Variants in KLC2 observed in about 807,000 individuals in gnomAD.
KLC2 encodes the protein KLC 2.
Under a neutral mutation model 75.1 loss-of-function variants are expected in KLC2, and 35 were observed. That is an observed-to-expected ratio of 0.47 (90% CI 0.36 to 0.62). The LOEUF is 0.62. KLC2 is among the 20% of genes least tolerant of loss of function. KLC2 has a pLI of 0.00. For synonymous variants in KLC2, 314 were observed against 336.7 expected, an observed-to-expected ratio of 0.93 and a Z score of 0.74; for missense variants, 611 against 833.2, an observed-to-expected ratio of 0.73 and a Z score of 3.28.
intron 2 of KLC2, among the ~76,000 whole-genome samples, chr11:66,260,073 C>T (rs537569688): frequency 8.9e-4 from 135 of 152,148 alleles, no homozygotes; most frequent in Non-Finnish European, 1.8e-3. Flanking sequence ...CTGCCTGGCA[C>T]GTGAACCCTG....
chr11:66,246,959 C>T, the KLC2 span, among the ~76,000 whole-genome samples: 3 of 152,246 alleles, frequency 2.0e-5, no homozygotes, highest in East Asian at 5.8e-4. Flanking sequence ...GGACTCGGGG[C>T]TCCAGCCTCT....
chr11:66,266,313 C>A, intron 14 of KLC2, 96 bp downstream of exon 14: 1 of 1,493,858 alleles, frequency 6.7e-7, no homozygotes, highest in South Asian at 1.3e-5. Flanking sequence ...GGCAACCTCC[C>A]CATCCCTCTC....
rs546772249 is a variant in KLC2 at position 66,267,718 on chromosome 11, C to G, written c.*762C>G. On this transcript the variant is annotated 3_prime_UTR_variant, in exon 16 of 16. Coordinates refer to ENST00000394067, the MANE Select transcript of KLC2 (RefSeq NM_001318734.2). ...GGCACCGCCCACCGAGCCATCCTGC[C>G]TCGCCTCCCCCCACGCCTGCAGCTT... 3.9e-6 allele frequency: 2 copies of G among 511,648 alleles called. No individual in the cohort carries two copies. Among genetic ancestry groups the G allele is most frequent in the South Asian group, 3.0e-5 (1 of 33,744 alleles). The allele number at this position is 511,648 out of a possible 1,614,324, so 31.7% of individuals were successfully genotyped here. A position where few individuals can be genotyped will look rare whatever the true frequency, so the allele number is the denominator to read the frequency against.
the KLC2 span, among the ~76,000 whole-genome samples, chr11:66,245,281 G>A: frequency 6.6e-6 from 1 of 152,204 alleles, no homozygotes; most frequent in Non-Finnish European, 1.5e-5. Flanking sequence ...CCTTCCCCAT[G>A]AAGAAGTGCC....
At chr11:66,266,554 G>C (rs1282362015) in intron 15 of KLC2, 64 bp downstream of exon 15, 2 of 1,482,666 alleles carry the variant, frequency 1.3e-6, no homozygotes, top group African/African-American at 1.4e-5. Context: ...GTGCTGCCAA[G>C]CTTCCCTCCA....
At chr11:66,255,612 G>A (rs1335718278), upstream of KLC2, among the ~76,000 whole-genome samples, 2 of 152,152 alleles carry the variant, frequency 1.3e-5, no homozygotes, top group Non-Finnish European at 2.9e-5. Flanking sequence ...AAATGGACAA[G>A]GATAAACACA....
upstream of KLC2, among the ~76,000 whole-genome samples, chr11:66,254,362 A>G (rs184157770): frequency 3.3e-5 from 5 of 149,734 alleles, no homozygotes; most frequent in East Asian, 1.0e-3. Flanking sequence ...GGCACCACTT[A>G]AGCTTTAAAG....
rs1409402862 is a variant in KLC2 at position 66,267,405 on chromosome 11, C to G, written c.*449C>G. On this transcript the variant is annotated 3_prime_UTR_variant, in exon 16 of 16. Coordinates refer to ENST00000394067, the MANE Select transcript of KLC2 (RefSeq NM_001318734.2). ...CCACGGTACTACCCGGGCCTCCCCT[C>G]GTCCCTCTTCTAGTGGTACCGCCCA... 3 of 718,134 alleles carry G rather than the reference C, an allele frequency of 4.2e-6. No homozygotes were observed. The highest frequency in any genetic ancestry group is 3.0e-5 in the South Asian group (2 of 67,610). The allele number at this position is 718,134 out of a possible 1,614,324, so 44.5% of individuals were successfully genotyped here. A position where few individuals can be genotyped will look rare whatever the true frequency, so the allele number is the denominator to read the frequency against.
intron 15 of KLC2, 54 bp downstream of exon 15, chr11:66,266,544 G>T: frequency 6.6e-7 from 1 of 1,507,410 alleles, no homozygotes; most frequent in Non-Finnish European, 9.2e-7. Context: ...GGCTGCATGC[G>T]TGCTGCCAAG....
At chr11:66,263,125 G>C in intron 5 of KLC2, 89 bp downstream of exon 5, 12 of 918,424 alleles carry the variant, frequency 1.3e-5, no homozygotes, top group Non-Finnish European at 2.0e-5. Context: ...GCCAGGACTC[G>C]TGGCCCACCT....
chr11:66,248,531 C>A, the KLC2 span, among the ~76,000 whole-genome samples: 4 of 152,114 alleles, frequency 2.6e-5, no homozygotes, highest in Non-Finnish European at 4.4e-5. Context: ...GCAAGAAAAT[C>A]GCTTGAACCC....
chr11:66,258,400 A>G (rs1856159274), intron 1 of KLC2, 184 bp from the exon 2 acceptor site: 2 of 588,966 alleles, frequency 3.4e-6, no homozygotes, highest in South Asian at 4.0e-5. Context: ...TGCGTCTCCC[A>G]GGCCTAGACA....
chr11:66,261,500 C>A lies in KLC2; in HGVS notation c.229-242C>A, dbSNP rs1455959387. The A allele has an allele frequency of 6.0e-6, 3 of 496,100 alleles. No homozygotes were observed. The Admixed American group carries it at 9.9e-5, about 16-fold the overall frequency. 30.7% of individuals were successfully genotyped at this position (496,100 alleles called of 1,614,324 possible). A position where few individuals can be genotyped will look rare whatever the true frequency, so the allele number is the denominator to read the frequency against. ...CACCCCAACTAGCCCTTTTGGGGTT[C>A]TCCTGATCCTAGAAGGAAGGAACTG... On this transcript the variant is annotated intron_variant, in intron 2 of 15. Transcript: ENST00000394067.
chr11:66,260,664 T>A (rs1284503067), intron 2 of KLC2, among the ~76,000 whole-genome samples: 4 of 152,214 alleles, frequency 2.6e-5, no homozygotes, highest in African/African-American at 9.6e-5. Flanking sequence ...TGGCACGATC[T>A]CAGCTCACTG....
intron 5 of KLC2, 54 bp downstream of exon 5, chr11:66,263,090 C>A: frequency 1.5e-6 from 2 of 1,367,924 alleles, no homozygotes; most frequent in Non-Finnish European, 2.1e-6. Context: ...AGCCCTGGAT[C>A]ACTAACCCTT....
Position 66,266,944 on chromosome 11 carries a change from C to A in KLC2, c.1857C>A (p.Ser619=). The A allele has an allele frequency of 1.2e-6, 2 of 1,612,914 alleles. No individual in the cohort carries two copies. Among genetic ancestry groups the A allele is most frequent in the Non-Finnish European group, 1.7e-6 (2 of 1,179,980 alleles). ...SSSMDLSRRS[S]LVG ...CCATGGACCTCTCCCGACGAAGCTC[C>A]CTGGTGGGCTAATGCTGAAGGGGCA... Residue 619 remains serine (S), a synonymous_variant, in exon 16 of 16, where the codon TCC becomes TCA. Coordinates refer to ENST00000394067, the MANE Select transcript of KLC2 (RefSeq NM_001318734.2).
chr11:66,265,950 G>T lies in KLC2; in HGVS notation c.1540G>T (p.Gly514Cys). Residue 514 changes from glycine (G) to cysteine (C), a missense_variant, in exon 13 of 16, where the codon GGT becomes TGT. By Grantham distance (159) the Gly-to-Cys change is radical (BLOSUM62 -3). Coordinates refer to ENST00000394067, the MANE Select transcript of KLC2 (RefSeq NM_001318734.2). ...CCGCAGCAGCCGAGACATGGCTGGG[G>T]GTGCCGGGCCTCGGTCTGAGTCTGA... ...DRRSSRDMAG[G>C]AGPRSESDLE... is the part of the protein sequence containing the mutation. 1 of 1,601,246 alleles carries T rather than the reference G, an allele frequency of 6.2e-7. No individual in the cohort carries two copies. The highest frequency in any genetic ancestry group is 8.5e-7 in the Non-Finnish European group (1 of 1,171,456).
At chr11:66,255,977 G>C (rs2134780817), upstream of KLC2, among the ~76,000 whole-genome samples, 1 of 152,098 alleles carries the variant, frequency 6.6e-6, no homozygotes, top group East Asian at 1.9e-4. Context: ...TATTGGTCAA[G>C]CTGGTCTCAA....
chr11:66,260,615 T>C (rs1303570199), intron 2 of KLC2, among the ~76,000 whole-genome samples: 1 of 152,120 alleles, frequency 6.6e-6, no homozygotes, highest in Non-Finnish European at 1.5e-5. Context: ...CTTTTTTTTT[T>C]TGAGACAGTC....
Sources: gnomAD v4.1 joint callset for allele counts (sites outside exome capture counted in the v4.1 genomes callset) on GRCh38, gnomAD v4.1.1 for gene constraint, MANE v1.5 for transcripts, NCBI Gene and HGNC (gene_info 2026-07-23, HGNC 2026-07-21) for gene names.